The following ST6GALNAC3 variants were observed in gnomAD, a reference collection of about 807,000 sequenced individuals.
The protein encoded by ST6GALNAC3 is alpha-N-acetylgalactosaminide alpha-2,6-sialyltransferase 3.
A neutral mutation model predicts 32.7 loss-of-function variants in ST6GALNAC3; 25 were observed. The ratio of observed to expected loss-of-function variants is 0.76; its 90% CI spans 0.56 to 1.07. The LOEUF (loss-of-function observed/expected upper bound fraction) is 1.07. ST6GALNAC3 is among the 50% of genes least tolerant of loss of function. The pLI is 0.00. For missense variants in ST6GALNAC3, 355 were observed against 382.4 expected (o/e 0.93, Z 0.60); for synonymous variants, 129 against 133.1 (o/e 0.97, Z 0.21).
intron 3 of ST6GALNAC3, among the ~76,000 whole-genome samples, chr1:76,419,054 C>T (rs1482224566): frequency 2.0e-5 from 3 of 151,940 alleles, no homozygotes; most frequent in Non-Finnish European, 4.4e-5. Context: ...TGCACACACA[C>T]ACACACACAC....
In ST6GALNAC3 at chr1:76,313,881, A is replaced by G. The variant is rs1557778024; in HGVS notation, c.95A>G (p.Asn32Ser). Residue 32 changes from asparagine to serine, a missense_variant, in exon 2 of 5, where the codon AAT becomes AGT. Asn to Ser is a conservative substitution (Grantham distance 46). Coordinates refer to ENST00000328299, the MANE Select transcript of ST6GALNAC3 (RefSeq NM_152996.4). The part of the protein sequence containing the change: ...LLVVRLVNEV[N>S]FPLLLNCFGQ... ...GTTGTGCGTCTTGTAAATGAAGTGA[A>G]TTTCCCATTGCTACTAAACTGCTTT... 4 of 1,613,550 alleles carry G rather than the reference A, an allele frequency of 2.5e-6. No individual in the cohort carries two copies. The East Asian group carries it at 8.9e-5, about 36-fold the overall frequency.
chr1:76,421,928 A>G (rs1394663931), intron 3 of ST6GALNAC3, among the ~76,000 whole-genome samples: 2 of 152,114 alleles, frequency 1.3e-5, no homozygotes, highest in Admixed American at 1.3e-4. Context: ...TGATGAGTCT[A>G]CCATGATAGC....
At chr1:76,245,105 T>G (rs1345805228) in intron 1 of ST6GALNAC3, among the ~76,000 whole-genome samples, 1 of 152,242 alleles carries the variant, frequency 6.6e-6, no homozygotes, top group African/African-American at 2.4e-5. Flanking sequence ...TGCCTCAATT[T>G]CAGAACTTGT....
intron 1 of ST6GALNAC3, among the ~76,000 whole-genome samples, chr1:76,135,982 T>C (rs896863994): frequency 6.6e-6 from 1 of 152,162 alleles, no homozygotes; most frequent in Non-Finnish European, 1.5e-5. Context: ...GCTTTTCTGC[T>C]CAGGATGGGG....
intron 2 of ST6GALNAC3, among the ~76,000 whole-genome samples, chr1:76,350,185 G>A (rs12123443): frequency 0.21 from 31,403 of 151,810 alleles, 3,696 homozygotes; most frequent in Non-Finnish European, 0.27. Flanking sequence ...TTTTAAAAAG[G>A]TTATTTTTGA....
Position 76,169,695 on chromosome 1 carries a change from C to T in ST6GALNAC3, c.18+94811C>T, listed in dbSNP as rs184060085. On this transcript the variant is annotated intron_variant, in intron 1 of 4. Transcript: ENST00000328299. Reference sequence around the variant, plus strand: ...CTATTCTTGTCTAACTGTCTTATTTCGGAAAGCCAGTCGTCAAGCTCTGAG... The same window carrying T: ...CTATTCTTGTCTAACTGTCTTATTTTGGAAAGCCAGTCGTCAAGCTCTGAG... 3.1e-4 allele frequency among the ~76,000 whole-genome samples: 47 copies of T among 152,224 alleles called. 2 individuals are homozygous for T. The highest frequency in any genetic ancestry group is 8.2e-4 in the African/African-American group (34 of 41,546).
intron 3 of ST6GALNAC3, among the ~76,000 whole-genome samples, chr1:76,470,565 C>T (rs552668328): frequency 5.5e-4 from 83 of 152,190 alleles, no homozygotes; most frequent in African/African-American, 2.0e-3. Flanking sequence ...ACATGAAATA[C>T]ATTTTCTCCT....
intron 2 of ST6GALNAC3, among the ~76,000 whole-genome samples, chr1:76,368,980 T>G (rs1650602799): frequency 6.6e-6 from 1 of 152,188 alleles, no homozygotes; most frequent in African/African-American, 2.4e-5. Flanking sequence ...TCTTCCACTC[T>G]TTTTAGAAGT....
chr1:76,549,876 C>T (rs1190562468), intron 3 of ST6GALNAC3, among the ~76,000 whole-genome samples: 2 of 152,286 alleles, frequency 1.3e-5, no homozygotes, highest in East Asian at 3.9e-4. Flanking sequence ...CTGTATCAAT[C>T]TTTTAGTGTG....
At chr1:76,408,029 T>C (rs1327860489) in intron 2 of ST6GALNAC3, among the ~76,000 whole-genome samples, 1 of 152,094 alleles carries the variant, frequency 6.6e-6, no homozygotes, top group Non-Finnish European at 1.5e-5. Flanking sequence ...ATTGTCCATT[T>C]GTGCCTAGGT....
At chr1:76,620,928 T>G (rs936334673) in intron 3 of ST6GALNAC3, among the ~76,000 whole-genome samples, 2 of 152,016 alleles carry the variant, frequency 1.3e-5, no homozygotes, top group Non-Finnish European at 2.9e-5. Flanking sequence ...AATCAGCATT[T>G]CCAATTAAAA....
intron 1 of ST6GALNAC3, among the ~76,000 whole-genome samples, chr1:76,199,906 T>C (rs1654424381): frequency 6.6e-6 from 1 of 152,222 alleles, no homozygotes; most frequent in African/African-American, 2.4e-5. Context: ...GTCCTGTTTG[T>C]CCTGAAGGAG....
At chr1:76,294,735 C>T (rs1452338414) in intron 1 of ST6GALNAC3, among the ~76,000 whole-genome samples, 2 of 152,018 alleles carry the variant, frequency 1.3e-5, no homozygotes, top group Non-Finnish European at 2.9e-5. Flanking sequence ...GTTCAACCCA[C>T]TTAACGGAAG....
chr1:76,135,444 C>A (rs895395139), intron 1 of ST6GALNAC3, among the ~76,000 whole-genome samples: 1 of 152,160 alleles, frequency 6.6e-6, no homozygotes, highest in Non-Finnish European at 1.5e-5. Context: ...TAAATTAGCT[C>A]ATTTACTGCA....
chr1:76,538,470 T>C (rs995608878), intron 3 of ST6GALNAC3, among the ~76,000 whole-genome samples: 8 of 152,318 alleles, frequency 5.3e-5, no homozygotes, highest in Non-Finnish European at 1.0e-4. Context: ...AAGACAAGGA[T>C]GCCCTCTCTC....
chr1:76,407,867 T>A (rs1173272321), intron 2 of ST6GALNAC3, among the ~76,000 whole-genome samples: 2 of 152,020 alleles, frequency 1.3e-5, no homozygotes, highest in Non-Finnish European at 2.9e-5. Flanking sequence ...ACATATGGAA[T>A]AAATTTTCAA....
At chr1:76,613,053 G>C (rs180953464) in intron 3 of ST6GALNAC3, among the ~76,000 whole-genome samples, 9 of 152,282 alleles carry the variant, frequency 5.9e-5, no homozygotes, top group Admixed American at 3.9e-4. Flanking sequence ...GGCCTTGCCT[G>C]TGTCTGTAAG....
At chr1:76,211,763 C>T (rs1212751757) in intron 1 of ST6GALNAC3, among the ~76,000 whole-genome samples, 1 of 150,906 alleles carries the variant, frequency 6.6e-6, no homozygotes, top group Non-Finnish European at 1.5e-5. Context: ...GGAAGGGGAA[C>T]ATCACACACC....
At chr1:76,408,862 C>T (rs1292586712) in intron 2 of ST6GALNAC3, among the ~76,000 whole-genome samples, 3 of 151,992 alleles carry the variant, frequency 2.0e-5, no homozygotes, top group Non-Finnish European at 2.9e-5. Flanking sequence ...GAATGTAACC[C>T]CCCGCACCAT....
Sources: gnomAD v4.1 joint callset for allele counts (sites outside exome capture counted in the v4.1 genomes callset) on GRCh38, gnomAD v4.1.1 for gene constraint, MANE v1.5 for transcripts, NCBI Gene and HGNC (gene_info 2026-07-23, HGNC 2026-07-21) for gene names.